Variants in SPON1 observed in about 807,000 individuals in gnomAD.
SPON1 encodes spondin-1.
SPON1 carries 52 observed loss-of-function variants against 111.7 expected under a neutral mutation model. The observed-to-expected ratio is 0.47, with a 90% CI of 0.37 to 0.59. The LOEUF (loss-of-function observed/expected upper bound fraction) is 0.59. Among genes scored for constraint, SPON1 ranks in the 20% least tolerant of loss-of-function variants. The probability of loss-of-function intolerance (pLI) is 0.00; values close to 1 mark genes in which losing one functional copy is unlikely to be tolerated. For synonymous variants in SPON1, 410 were observed against 395.8 expected (o/e 1.04, Z -0.43); for missense variants, 957 against 1,068.5 (o/e 0.90, Z 1.46).
At chr11:14,107,392 A>T (rs1409742795) in intron 5 of SPON1, among the ~76,000 whole-genome samples, 1 of 152,154 alleles carries the variant, frequency 6.6e-6, no homozygotes, top group Non-Finnish European at 1.5e-5. Flanking sequence ...AGATCTGTAC[A>T]TCTGTCCGGC....
chr11:14,225,360 A>T (rs1201725962), intron 6 of SPON1, among the ~76,000 whole-genome samples: 1 of 152,212 alleles, frequency 6.6e-6, no homozygotes, highest in African/African-American at 2.4e-5. Context: ...TATTATAAAA[A>T]TGTTTTTTTA....
At chr11:14,217,352 G>T (rs994474235) in intron 6 of SPON1, among the ~76,000 whole-genome samples, 1 of 151,736 alleles carries the variant, frequency 6.6e-6, no homozygotes, top group East Asian at 1.9e-4. Flanking sequence ...GTTCTATTAC[G>T]TAAAGAAAAA....
intron 3 of SPON1, among the ~76,000 whole-genome samples, chr11:14,067,406 C>G (rs1342867121): frequency 6.6e-6 from 1 of 152,194 alleles, no homozygotes; most frequent in Admixed American, 6.5e-5. Context: ...TCCCATACCA[C>G]AAGAAGCCCC....
intron 3 of SPON1, among the ~76,000 whole-genome samples, chr11:14,072,546 G>A (rs1462287510): frequency 2.0e-5 from 3 of 152,090 alleles, no homozygotes; most frequent in African/African-American, 4.8e-5. Flanking sequence ...AGGCCTGGTC[G>A]AGTTGAAGAG....
At chr11:14,013,365 G>T (rs1037029742) in intron 2 of SPON1, among the ~76,000 whole-genome samples, 2 of 152,038 alleles carry the variant, frequency 1.3e-5, no homozygotes, top group Admixed American at 1.3e-4. Context: ...TCAGGTTTTG[G>T]AATAAAAAAA....
At chr11:14,241,311 C>T (rs1848923996) in intron 6 of SPON1, among the ~76,000 whole-genome samples, 1 of 152,114 alleles carries the variant, frequency 6.6e-6, no homozygotes. Flanking sequence ...ATGATGAGGA[C>T]CCCATAAGCA....
At chr11:14,069,756 T>C (rs1848860722) in intron 3 of SPON1, among the ~76,000 whole-genome samples, 1 of 152,020 alleles carries the variant, frequency 6.6e-6, no homozygotes, top group Non-Finnish European at 1.5e-5. Context: ...GAATTGCTTT[T>C]TTGCAGTCAT....
At chr11:14,263,128 G>A in intron 15 of SPON1, 153 bp downstream of exon 15, 10 of 787,968 alleles carry the variant, frequency 1.3e-5, no homozygotes, top group Non-Finnish European at 1.9e-5. Context: ...TGATTCTTTA[G>A]ATCCAAGTTT....
At chr11:14,006,955 C>T (rs1157557575) in intron 2 of SPON1, among the ~76,000 whole-genome samples, 2 of 152,210 alleles carry the variant, frequency 1.3e-5, no homozygotes, top group Non-Finnish European at 2.9e-5. Context: ...AAATTCATCT[C>T]ACTGGGCCAA....
intron 14 of SPON1, among the ~76,000 whole-genome samples, chr11:14,261,597 T>G (rs1554941913): frequency 6.6e-6 from 1 of 152,238 alleles, no homozygotes; most frequent in Admixed American, 6.5e-5. Context: ...CCCTGCTCCA[T>G]GCTCCAGCTC....
intron 5 of SPON1, among the ~76,000 whole-genome samples, chr11:14,096,880 T>TA (rs1358151802): frequency 6.6e-6 from 1 of 152,232 alleles, no homozygotes; most frequent in Admixed American, 6.5e-5. Flanking sequence ...TCTGTACATG[T>TA]ATTATTTTGA....
At chr11:14,264,446 T>G (rs543310977) in intron 15 of SPON1, among the ~76,000 whole-genome samples, 1 of 152,348 alleles carries the variant, frequency 6.6e-6, no homozygotes, top group South Asian at 2.1e-4. Flanking sequence ...GGGACTTCAG[T>G]GCTGAAGGTG....
At chr11:14,023,205 G>A (rs980500866) in intron 2 of SPON1, among the ~76,000 whole-genome samples, 3 of 152,198 alleles carry the variant, frequency 2.0e-5, no homozygotes, top group African/African-American at 7.2e-5. Context: ...GTAATGGAAA[G>A]CCACTGGAAG....
At chr11:14,193,220 A>T (rs782792258) in intron 6 of SPON1, among the ~76,000 whole-genome samples, 2 of 152,186 alleles carry the variant, frequency 1.3e-5, no homozygotes, top group Admixed American at 6.5e-5. Flanking sequence ...GTGTGGTGAG[A>T]AACAGGGTAA....
At chr11:14,145,264 A>G (rs1277169472) in intron 6 of SPON1, among the ~76,000 whole-genome samples, 5 of 152,182 alleles carry the variant, frequency 3.3e-5, no homozygotes, top group African/African-American at 4.8e-5. Context: ...CTGGAAGGGT[A>G]TAGAGCTGGC....
intron 6 of SPON1, among the ~76,000 whole-genome samples, chr11:14,214,530 TTAAAC>T (rs1591413900): frequency 1.3e-5 from 2 of 152,322 alleles, no homozygotes; most frequent in East Asian, 3.9e-4. Context: ...CTCCAACACT[TTAAAC>T]TATACATTTG....
Position 14,095,165 on chromosome 11 carries a change from C to T in SPON1, c.676+15144C>T, listed in dbSNP as rs566584349. On this transcript the variant is annotated intron_variant, in intron 5 of 15. Transcript: ENST00000576479. ...CCTGTCAGAATTTTAAGTGGGATTG[C>T]ACTAAGTCTCAAAATTACCTTGAGA... Among the ~76,000 whole-genome samples the T allele has an allele frequency of 2.6e-5, 4 of 152,214 alleles. No individual in the cohort carries two copies. The South Asian group carries it at 8.3e-4, about 32-fold the overall frequency.
At chr11:14,081,658 A>G (rs1554922067) in intron 5 of SPON1, among the ~76,000 whole-genome samples, 1 of 151,866 alleles carries the variant, frequency 6.6e-6, no homozygotes, top group East Asian at 1.9e-4. Flanking sequence ...GTTCTTGTGC[A>G]TTTTACTTTG....
chr11:14,093,547 C>T (rs1229434652), intron 5 of SPON1, among the ~76,000 whole-genome samples: 2 of 152,170 alleles, frequency 1.3e-5, no homozygotes, highest in South Asian at 2.1e-4. Flanking sequence ...GAGCCAATCA[C>T]GTTTTCCGTT....
Sources: gnomAD v4.1 joint callset for allele counts (sites outside exome capture counted in the v4.1 genomes callset) on GRCh38, gnomAD v4.1.1 for gene constraint, MANE v1.5 for transcripts, NCBI Gene and HGNC (gene_info 2026-07-23, HGNC 2026-07-21) for gene names.